Variants in HBS1L observed in about 807,000 individuals in gnomAD.
HBS1L encodes the protein HBS1-like protein.
Under a neutral mutation model 88.9 loss-of-function variants are expected in HBS1L, and 55 were observed. That is an observed-to-expected ratio of 0.62 (90% CI 0.50 to 0.77). The LOEUF (loss-of-function observed/expected upper bound fraction) is 0.77, where lower values mean the gene tolerates loss of function less well. HBS1L is among the 30% of genes least tolerant of loss of function. The pLI, the probability that HBS1L is intolerant of heterozygous loss-of-function variation, is 0.00. For missense variants in HBS1L, 741 were observed against 829.3 expected, an observed-to-expected ratio of 0.89 and a Z score of 1.31; for synonymous variants, 267 against 288.5, an observed-to-expected ratio of 0.93 and a Z score of 0.76.
At chr6:135,048,590 T>C (rs1473287213) in intron 2 of HBS1L, among the ~76,000 whole-genome samples, 1 of 152,224 alleles carries the variant, frequency 6.6e-6, no homozygotes, top group Non-Finnish European at 1.5e-5. Context: ...AAAAGGTGGT[T>C]TCAACCTTGC....
intron 8 of HBS1L, among the ~76,000 whole-genome samples, chr6:134,991,094 T>C (rs1775123713): frequency 6.8e-6 from 1 of 147,816 alleles, no homozygotes; most frequent in Non-Finnish European, 1.5e-5. Context: ...TATACACATA[T>C]AAGGAGAAAT....
At chr6:135,045,869 A>G (rs535450789) in intron 2 of HBS1L, among the ~76,000 whole-genome samples, 4 of 151,974 alleles carry the variant, frequency 2.6e-5, no homozygotes, top group Non-Finnish European at 5.9e-5. Context: ...CAGCAGATTC[A>G]TATCACAAGG....
intron 8 of HBS1L, among the ~76,000 whole-genome samples, chr6:134,988,560 C>T (rs1775046480): frequency 6.6e-6 from 1 of 151,678 alleles, no homozygotes; most frequent in East Asian, 1.9e-4. Flanking sequence ...AATTCAAATT[C>T]AGTAGAAACT....
chr6:134,966,533 A>C (rs2114739118), intron 16 of HBS1L, 60 bp from the exon 17 acceptor site: 2 of 1,115,420 alleles, frequency 1.8e-6, no homozygotes, highest in East Asian at 2.6e-5. Flanking sequence ...TGTAATAATA[A>C]CAACTTGAAA....
At chr6:135,031,829 G>C (rs1257812739) in intron 4 of HBS1L, among the ~76,000 whole-genome samples, 1 of 149,058 alleles carries the variant, frequency 6.7e-6, no homozygotes, top group Non-Finnish European at 1.5e-5. Flanking sequence ...TATCAGTTTT[G>C]TTTTTTCTTT....
intron 4 of HBS1L, among the ~76,000 whole-genome samples, chr6:135,029,224 A>G (rs1432239937): frequency 6.6e-6 from 1 of 152,232 alleles, no homozygotes; most frequent in East Asian, 1.9e-4. Flanking sequence ...AAAGCTAATA[A>G]ATCTGAATAT....
chr6:135,007,485 T>C (rs1196392594), intron 4 of HBS1L, among the ~76,000 whole-genome samples: 1 of 152,214 alleles, frequency 6.6e-6, no homozygotes, highest in Non-Finnish European at 1.5e-5. Flanking sequence ...TTTGGAAATA[T>C]ATTAATTTAA....
At chr6:134,966,788 C>T (rs1328610910) in intron 16 of HBS1L, among the ~76,000 whole-genome samples, 1 of 151,448 alleles carries the variant, frequency 6.6e-6, no homozygotes, top group Non-Finnish European at 1.5e-5. Flanking sequence ...AATGCTTTTT[C>T]TTTCATTCCC....
chr6:134,995,812 A>G (rs1305666540), intron 7 of HBS1L, among the ~76,000 whole-genome samples: 1 of 152,094 alleles, frequency 6.6e-6, no homozygotes, highest in East Asian at 1.9e-4. Flanking sequence ...CTGTGATACT[A>G]TAAAGAACTA....
At chr6:134,982,651 T>C (rs1774865586) in intron 12 of HBS1L, 89 bp from the exon 13 acceptor site, 10 of 618,468 alleles carry the variant, frequency 1.6e-5, no homozygotes, top group Non-Finnish European at 1.7e-5. Flanking sequence ...CAAGTAGTCA[T>C]ATAAAACTAG....
At chr6:134,996,492 T>C (rs539627618) in intron 7 of HBS1L, among the ~76,000 whole-genome samples, 2 of 152,298 alleles carry the variant, frequency 1.3e-5, no homozygotes, top group South Asian at 2.1e-4. Context: ...CTGAAACTTA[T>C]CCCATAGAAT....
rs781505879 is a variant in HBS1L at position 134,986,231 on chromosome 6, CATT to C, written c.1306-51_1306-49del. The C allele has an allele frequency of 1.1e-5, 10 of 950,272 alleles. No homozygotes were observed. The East Asian group carries it at 2.4e-4, about 23-fold the overall frequency. The allele number at this position is 950,272 out of a possible 1,614,324, so 58.9% of individuals were successfully genotyped here. A position where few individuals can be genotyped will look rare whatever the true frequency, so the allele number is the denominator to read the frequency against. ...AAACTTAATACAACATTTTTTAAAA[CATT>C]AAAAGATTCACCATTACCATAACTG... On this transcript the variant is annotated intron_variant, in intron 10 of 17. Coordinates refer to ENST00000367837, the MANE Select transcript of HBS1L (RefSeq NM_006620.4).
intron 4 of HBS1L, among the ~76,000 whole-genome samples, chr6:135,018,356 C>A (rs1167271199): frequency 2.0e-5 from 3 of 151,892 alleles, no homozygotes; most frequent in Non-Finnish European, 2.9e-5. Flanking sequence ...CATAACTTGC[C>A]TCATCAAATC....
Position 134,978,667 on chromosome 6 carries a change from T to C in HBS1L, c.1797+12A>G. 7.1e-7 allele frequency: 1 copy of C among 1,409,472 alleles called. No individual in the cohort carries two copies. Among genetic ancestry groups the C allele is most frequent in the South Asian group, 1.3e-5 (1 of 79,808 alleles). 87.3% of individuals were successfully genotyped at this position (1,409,472 alleles called of 1,614,324 possible). A position where few individuals can be genotyped will look rare whatever the true frequency, so the allele number is the denominator to read the frequency against. ...TATAAAAACAGGAATAATAAAACAT[T>C]TTGGAACTTACAGGAAATCCTTTAG... On this transcript the variant is annotated intron_variant, in intron 15 of 17. Coordinates refer to ENST00000367837, the MANE Select transcript of HBS1L (RefSeq NM_006620.4).
Position 134,979,191 on chromosome 6 carries a change from T to C in HBS1L, c.1675A>G (p.Ile559Val). The change falls in exon 14 of 18, where the codon ATC (isoleucine) becomes GTC (valine). Residue 559 changes from isoleucine (I) to valine (V), a missense_variant. By Grantham distance (29) the Ile-to-Val change is conservative (BLOSUM62 3). Transcript: ENST00000367837. ...HVSLTLVGMDIIKINVGCIFC... is the reference protein window; with the variant it reads ...HVSLTLVGMDVIKINVGCIFC... ...TTTCTCACTCACTTGATTTTGATGA[T>C]ATCCATCCCAACCAAAGTAAGACTA... is the stretch of plus-strand genomic sequence containing the variant. The C allele has an allele frequency of 1.2e-6, 2 of 1,610,632 alleles. No homozygotes were observed. The highest frequency in any genetic ancestry group is 1.7e-6 in the Non-Finnish European group (2 of 1,177,288).
At position 135,051,187 on chromosome 6, in the gene HBS1L, T is replaced by C. The variant is rs1395626769; in HGVS notation, c.44-540A>G. Among the ~76,000 whole-genome samples the C allele has an allele frequency of 2.6e-5, 4 of 151,198 alleles. No homozygotes were observed. The South Asian group carries it at 8.3e-4, about 31-fold the overall frequency. ...TTGCAGTGAGCCAAGACCGCGCCAC[T>C]GCACTCAGCCTGGGCGACAGAGCAA... is the stretch of plus-strand genomic sequence containing the variant. On this transcript the variant is annotated intron_variant, in intron 1 of 17. Transcript: ENST00000367837.
At chr6:135,037,226 C>T (rs1294054818) in intron 4 of HBS1L, 2 of 1,551,714 alleles carry the variant, frequency 1.3e-6, no homozygotes, top group Non-Finnish European at 1.7e-6. Context: ...GGAAAGGATC[C>T]CAAACTTAGA....
intron 4 of HBS1L, among the ~76,000 whole-genome samples, chr6:135,008,967 T>C (rs1415712929): frequency 1.3e-5 from 2 of 152,146 alleles, no homozygotes; most frequent in African/African-American, 4.8e-5. Context: ...TAAGTTATCT[T>C]AGATGGCAAT....
chr6:135,027,900 G>A (rs1203753361), intron 4 of HBS1L, among the ~76,000 whole-genome samples: 1 of 151,954 alleles, frequency 6.6e-6, no homozygotes, highest in Non-Finnish European at 1.5e-5. Flanking sequence ...AAGTAGCTGG[G>A]ATCAAAGATG....
Sources: gnomAD v4.1 joint callset for allele counts (sites outside exome capture counted in the v4.1 genomes callset) on GRCh38, gnomAD v4.1.1 for gene constraint, MANE v1.5 for transcripts, NCBI Gene and HGNC (gene_info 2026-07-23, HGNC 2026-07-21) for gene names.